The following TXNDC8 variants were observed in gnomAD, a reference collection of about 807,000 sequenced individuals.
TXNDC8 encodes the protein thioredoxin domain containing 8.
Under a neutral mutation model 12.9 loss-of-function variants are expected in TXNDC8, and 15 were observed. That is an observed-to-expected ratio of 1.16 (90% CI 0.78 to 1.79). TXNDC8 has a LOEUF of 1.79. TXNDC8 is among the 40% of genes most tolerant of loss of function. The pLI is 0.00. For missense variants in TXNDC8, 128 were observed against 113.2 expected, an observed-to-expected ratio of 1.13 and a Z score of -0.59; for synonymous variants, 40 against 35.4, an observed-to-expected ratio of 1.13 and a Z score of -0.46.
At chr9:110,321,565 G>A (rs1839093449) in intron 3 of TXNDC8, among the ~76,000 whole-genome samples, 1 of 152,132 alleles carries the variant, frequency 6.6e-6, no homozygotes, top group South Asian at 2.1e-4. Flanking sequence ...AGGACACACA[G>A]TACTTAACTG....
downstream of TXNDC8, among the ~76,000 whole-genome samples, chr9:110,301,975 A>T (rs1160333624): frequency 6.6e-6 from 1 of 151,682 alleles, no homozygotes; most frequent in Non-Finnish European, 1.5e-5. Flanking sequence ...ATTTTTATTT[A>T]TCTATTTATT....
intron 2 of TXNDC8, 68 bp downstream of exon 3, chr9:110,329,164 A>T (rs1022109003): frequency 9.1e-6 from 12 of 1,314,536 alleles, no homozygotes; most frequent in Non-Finnish European, 1.3e-5. Flanking sequence ...ATAATTACTG[A>T]GACAGTGCTA....
intron 3 of TXNDC8, chr9:110,322,419 G>T (rs532011833): frequency 3.0e-6 from 3 of 985,242 alleles, no homozygotes; most frequent in Non-Finnish European, 3.6e-6. Flanking sequence ...TGGAATGCAG[G>T]ATCTATCAAT....
intron 3 of TXNDC8, among the ~76,000 whole-genome samples, chr9:110,325,682 G>A (rs1484573461): frequency 1.3e-5 from 2 of 151,966 alleles, no homozygotes; most frequent in Non-Finnish European, 2.9e-5. Flanking sequence ...CACCACGCCT[G>A]GCTAATTTTT....
At chr9:110,325,494 T>C (rs1417143622) in intron 3 of TXNDC8, among the ~76,000 whole-genome samples, 2 of 151,232 alleles carry the variant, frequency 1.3e-5, no homozygotes, top group African/African-American at 4.9e-5. Flanking sequence ...TCCTCAAGTA[T>C]TGTTTAAACT....
intron 3 of TXNDC8, among the ~76,000 whole-genome samples, chr9:110,312,577 T>A (rs190659632): frequency 6.6e-6 from 1 of 152,314 alleles, no homozygotes; most frequent in Non-Finnish European, 1.5e-5. Context: ...ATGGTACAAA[T>A]CCATCTATGG....
At chr9:110,318,716 C>T (rs543534718) in intron 3 of TXNDC8, among the ~76,000 whole-genome samples, 7 of 150,036 alleles carry the variant, frequency 4.7e-5, no homozygotes, top group Non-Finnish European at 8.9e-5. Context: ...CCAGCCTGGG[C>T]GACAGAGCAA....
intron 1 of TXNDC8, among the ~76,000 whole-genome samples, chr9:110,336,240 A>G (rs1056040677): frequency 1.3e-5 from 2 of 152,224 alleles, no homozygotes; most frequent in African/African-American, 2.4e-5. Flanking sequence ...CTAATACAAC[A>G]TGCCTGCTCT....
At chr9:110,335,796 G>A (rs2118886131) in intron 1 of TXNDC8, among the ~76,000 whole-genome samples, 1 of 152,290 alleles carries the variant, frequency 6.6e-6, no homozygotes, top group South Asian at 2.1e-4. Context: ...TAAGAGGAGG[G>A]GGATGGGATT....
At chr9:110,322,341 T>A in intron 3 of TXNDC8, 1 of 979,704 alleles carries the variant, frequency 1.0e-6, no homozygotes, top group Non-Finnish European at 1.2e-6. Context: ...GTAATCATCT[T>A]AATGGTTTAA....
In TXNDC8 at chr9:110,303,490, G is replaced by A; in HGVS notation, c.*192C>T. 1 of 1,516,240 alleles carries A rather than the reference G, an allele frequency of 6.6e-7. No homozygotes were observed. The highest frequency in any genetic ancestry group is 8.9e-7 in the Non-Finnish European group (1 of 1,124,626). 93.9% of individuals were successfully genotyped at this position (1,516,240 alleles called of 1,614,324 possible). On this transcript the variant is annotated 3_prime_UTR_variant, in exon 5 of 5. Transcript: ENST00000423740. ...CACATTTGCTCTTGCCTTTTCAAAT[G>A]TCACAAGTGTATTTTGCCTTGGAGA... is the stretch of plus-strand genomic sequence containing the variant.
chr9:110,336,618 A>G (rs1274959845), intron 1 of TXNDC8, among the ~76,000 whole-genome samples: 1 of 152,202 alleles, frequency 6.6e-6, no homozygotes, highest in Non-Finnish European at 1.5e-5. Context: ...AACTGCTAGG[A>G]TACCACTGTG....
At chr9:110,333,943 T>C (rs1030585975) in intron 2 of TXNDC8, among the ~76,000 whole-genome samples, 1 of 152,262 alleles carries the variant, frequency 6.6e-6, no homozygotes, top group Non-Finnish European at 1.5e-5. Context: ...TGCTATAATA[T>C]GAAGAATCCA....
chr9:110,311,965 C>T (rs761677878), intron 3 of TXNDC8, among the ~76,000 whole-genome samples: 1 of 150,224 alleles, frequency 6.7e-6, no homozygotes, highest in Non-Finnish European at 1.5e-5. Flanking sequence ...CTCTGCTTGC[C>T]GCAACCTCCA....
At chr9:110,315,571 G>A (rs570817814) in intron 3 of TXNDC8, among the ~76,000 whole-genome samples, 2 of 152,198 alleles carry the variant, frequency 1.3e-5, no homozygotes, top group Admixed American at 6.5e-5. Flanking sequence ...GATAATTATA[G>A]CAAAATATCT....
downstream of TXNDC8, among the ~76,000 whole-genome samples, chr9:110,302,601 C>A (rs1016173273): frequency 2.0e-5 from 3 of 151,394 alleles, no homozygotes; most frequent in Non-Finnish European, 4.4e-5. Flanking sequence ...AAGAAGCCAT[C>A]TCCTCTGGGC....
At chr9:110,319,074 GC>G (rs1005467133) in intron 3 of TXNDC8, among the ~76,000 whole-genome samples, 1 of 152,094 alleles carries the variant, frequency 6.6e-6, no homozygotes, top group African/African-American at 2.4e-5. Flanking sequence ...CTTAGTTCTT[GC>G]CCCCCGACCC....
rs774106340 is a variant in TXNDC8 at position 110,303,502 on chromosome 9, T to G, written c.*180A>C. On this transcript the variant is annotated 3_prime_UTR_variant, in exon 5 of 5. Transcript: ENST00000423740. ...TGCCTTTTCAAATGTCACAAGTGTATTTTGCCTTGGAGATCAGCTTACATT... is the reference window on the plus strand; with the variant it reads ...TGCCTTTTCAAATGTCACAAGTGTAGTTTGCCTTGGAGATCAGCTTACATT... 6.6e-7 allele frequency: 1 copy of G among 1,521,024 alleles called. No individual in the cohort carries two copies. Among genetic ancestry groups the G allele is most frequent in the South Asian group, 1.2e-5 (1 of 82,952 alleles). The allele number at this position is 1,521,024 out of a possible 1,614,324, so 94.2% of individuals were successfully genotyped here.
intron 2 of TXNDC8, among the ~76,000 whole-genome samples, chr9:110,331,581 T>A (rs1839542590): frequency 6.6e-6 from 1 of 152,234 alleles, no homozygotes; most frequent in Non-Finnish European, 1.5e-5. Context: ...GATCTCTGAC[T>A]GATACAGTCA....
Sources: gnomAD v4.1 joint callset for allele counts (sites outside exome capture counted in the v4.1 genomes callset) on GRCh38, gnomAD v4.1.1 for gene constraint, MANE v1.5 for transcripts, NCBI Gene and HGNC (gene_info 2026-07-23, HGNC 2026-07-21) for gene names.